The following NBAS variants were observed in gnomAD, a reference collection of about 807,000 sequenced individuals.
NBAS encodes NAG/BC035112 fusion.
NBAS carries 219 observed loss-of-function variants against 302.5 expected under a neutral mutation model. The ratio of observed to expected loss-of-function variants is 0.72; its 90% CI spans 0.65 to 0.81. The LOEUF (loss-of-function observed/expected upper bound fraction) is 0.81, where lower values mean the gene tolerates loss of function less well. NBAS is among the 30% of genes least tolerant of loss of function. The probability of loss-of-function intolerance (pLI) is 0.00; values close to 1 mark genes in which losing one functional copy is unlikely to be tolerated. For synonymous variants in NBAS, 1,118 were observed against 1,021.6 expected, an observed-to-expected ratio of 1.09 and a Z score of -1.80; for missense variants, 2,932 against 2,841.6, an observed-to-expected ratio of 1.03 and a Z score of -0.72.
At chr2:15,362,980 T>C (rs907142801) in intron 32 of NBAS, among the ~76,000 whole-genome samples, 4 of 151,976 alleles carry the variant, frequency 2.6e-5, no homozygotes, top group African/African-American at 9.7e-5. Flanking sequence ...CCCAACACTT[T>C]GGGAGGCTGC....
At chr2:15,354,411 G>A (rs1673516952) in intron 33 of NBAS, among the ~76,000 whole-genome samples, 1 of 152,060 alleles carries the variant, frequency 6.6e-6, no homozygotes, top group Non-Finnish European at 1.5e-5. Context: ...TACAAAACTT[G>A]TAGTACAGAA....
intron 12 of NBAS, among the ~76,000 whole-genome samples, chr2:15,486,636 C>G (rs571866722): frequency 1.1e-4 from 16 of 152,298 alleles, no homozygotes; most frequent in African/African-American, 3.4e-4. Flanking sequence ...TGAGGTCCCC[C>G]CCTTTCCCTT....
intron 38 of NBAS, among the ~76,000 whole-genome samples, chr2:15,324,041 T>C (rs553423660): frequency 4.9e-4 from 74 of 152,126 alleles, no homozygotes; most frequent in African/African-American, 1.3e-3. Flanking sequence ...GAAATCCTAA[T>C]TGGATCGAGT....
At chr2:15,096,273 G>T in the NBAS span, among the ~76,000 whole-genome samples, 3 of 152,062 alleles carry the variant, frequency 2.0e-5, no homozygotes, top group Non-Finnish European at 2.9e-5. Context: ...ATGCAATATT[G>T]CTCCCCCATT....
chr2:15,533,673 GGTGTGCGT>G lies in NBAS; in HGVS notation c.746+862_746+869del, dbSNP rs1354089755. Among the ~76,000 whole-genome samples, 11 of 130,754 alleles carry G rather than the reference GGTGTGCGT, an allele frequency of 8.4e-5. No homozygotes were observed. In the East Asian group the frequency reaches 1.9e-3, roughly 23 times the overall value. 85.8% of individuals were successfully genotyped at this position (130,754 alleles called of 152,430 possible). On this transcript the variant is annotated intron_variant, in intron 9 of 51. Transcript: ENST00000281513. ...GAAGAGCACAAGGAGGACTTCGGGG[GGTGTGCGT>G]GTGTGTGTGTGTGTGTGTGTGTGTG...
At chr2:15,225,386 G>C (rs867205169) in intron 47 of NBAS, among the ~76,000 whole-genome samples, 2 of 152,096 alleles carry the variant, frequency 1.3e-5, no homozygotes, top group East Asian at 3.9e-4. Context: ...TCAACCTCAC[G>C]AAACATAAGG....
chr2:15,088,801 G>A, the NBAS span, among the ~76,000 whole-genome samples: 5 of 152,240 alleles, frequency 3.3e-5, no homozygotes, highest in African/African-American at 9.6e-5. Context: ...TAGATCCAAG[G>A]CAAGAATCTA....
At chr2:15,014,478 G>T in the NBAS span, among the ~76,000 whole-genome samples, 5 of 152,012 alleles carry the variant, frequency 3.3e-5, no homozygotes, top group Non-Finnish European at 5.9e-5. Flanking sequence ...AACAAGAGGA[G>T]CCTTGGAAAC....
intron 47 of NBAS, among the ~76,000 whole-genome samples, chr2:15,221,066 A>G (rs1477401359): frequency 1.3e-5 from 2 of 152,208 alleles, no homozygotes; most frequent in Non-Finnish European, 2.9e-5. Context: ...AATTTTACCT[A>G]TAAGATTCCT....
chr2:14,957,708 C>T, the NBAS span, among the ~76,000 whole-genome samples: 2 of 152,192 alleles, frequency 1.3e-5, no homozygotes, highest in Non-Finnish European at 2.9e-5. Context: ...TTGGCTCCAG[C>T]CGTCAGCCCT....
intron 28 of NBAS, among the ~76,000 whole-genome samples, chr2:15,390,793 A>G (rs1376063704): frequency 6.6e-6 from 1 of 152,168 alleles, no homozygotes; most frequent in Non-Finnish European, 1.5e-5. Flanking sequence ...TACAAGAAGG[A>G]AAAATTCATA....
In NBAS at chr2:15,482,183, T is replaced by C. The variant is rs1314421604; in HGVS notation, c.1084-3894A>G. Among the ~76,000 whole-genome samples the C allele has an allele frequency of 2.0e-5, 3 of 152,332 alleles. No homozygotes were observed. In the East Asian group the frequency reaches 5.8e-4, roughly 29 times the overall value. ...TTTCTCTCTGTCACCCAGGTTGCAG[T>C]GCAGTGGCGTGGTCACGGCTCACTA... On this transcript the variant is annotated intron_variant, in intron 12 of 51. Coordinates refer to ENST00000281513, the MANE Select transcript of NBAS (RefSeq NM_015909.4).
At chr2:14,804,234 T>G in the NBAS span, among the ~76,000 whole-genome samples, 9 of 152,192 alleles carry the variant, frequency 5.9e-5, no homozygotes, top group Admixed American at 5.9e-4. Flanking sequence ...TCTCATCCTG[T>G]AAACAAATGT....
At chr2:14,931,479 C>G in the NBAS span, among the ~76,000 whole-genome samples, 1 of 152,142 alleles carries the variant, frequency 6.6e-6, no homozygotes, top group African/African-American at 2.4e-5. Flanking sequence ...CCTACTGCAC[C>G]ACATGTTCAT....
At chr2:15,377,222 A>G (rs771339864) in intron 30 of NBAS, among the ~76,000 whole-genome samples, 1 of 152,254 alleles carries the variant, frequency 6.6e-6, no homozygotes. Flanking sequence ...AAAGATGAAC[A>G]CCCCAAAAGA....
the NBAS span, among the ~76,000 whole-genome samples, chr2:15,014,753 CA>C: frequency 1.3e-5 from 2 of 151,566 alleles, no homozygotes; most frequent in Non-Finnish European, 2.9e-5. Context: ...AAGAACAAAC[CA>C]AACTCAAAAT....
At chr2:15,277,600 C>A (rs1383779998) in intron 42 of NBAS, among the ~76,000 whole-genome samples, 2 of 152,010 alleles carry the variant, frequency 1.3e-5, no homozygotes, top group East Asian at 3.9e-4. Flanking sequence ...ATTCAATAAA[C>A]CCAAATTTTA....
At chr2:14,914,391 G>A in the NBAS span, among the ~76,000 whole-genome samples, 1 of 152,236 alleles carries the variant, frequency 6.6e-6, no homozygotes, top group South Asian at 2.1e-4. Flanking sequence ...AGCAAGGGCT[G>A]TGAGAGGCAG....
rs1212391126 is a variant in NBAS at position 15,327,920 on chromosome 2, C to T, written c.4462-50G>A. ...ATCTAGTAGGGTGCCTTTTGTCCTA[C>T]AAACATATGCTTAGAAAACAATTAT... On this transcript the variant is annotated intron_variant, in intron 37 of 51. Transcript: ENST00000281513. 6 of 1,607,644 alleles carry T rather than the reference C, an allele frequency of 3.7e-6. No individual in the cohort carries two copies. The Admixed American group carries it at 5.0e-5, about 13-fold the overall frequency.
Sources: allele counts gnomAD v4.1 joint callset (sites outside exome capture counted in the v4.1 genomes callset), GRCh38; gene constraint gnomAD v4.1.1; transcripts MANE v1.5; gene names NCBI Gene and HGNC (gene_info 2026-07-23, HGNC 2026-07-21).